PFKFB3: variants seen among roughly 807,000 people sequenced by gnomAD.
PFKFB3 encodes 6-phosphofructo-2-kinase/fructose-2,6-biphosphatase 3, also known as 6-phosphofructo-2-kinase/fructose-2,6-bisphosphatase 3.
A neutral mutation model predicts 68.0 loss-of-function variants in PFKFB3; 33 were observed. That is an observed-to-expected ratio of 0.49 (90% CI 0.37 to 0.65). PFKFB3 has a LOEUF of 0.65. Among genes scored for constraint, PFKFB3 ranks in the 30% least tolerant of loss-of-function variants. The pLI is 0.00. For synonymous variants in PFKFB3, 315 were observed against 288.2 expected (o/e 1.09, Z -0.94); for missense variants, 586 against 712.2 (o/e 0.82, Z 2.02).
chr10:6,164,962 C>T (rs1488943100), intron 1 of PFKFB3, among the ~76,000 whole-genome samples: 1 of 151,626 alleles, frequency 6.6e-6, no homozygotes, highest in Non-Finnish European at 1.5e-5. Flanking sequence ...CAGGGATGAG[C>T]AGGAGACAGA....
intron 1 of PFKFB3, among the ~76,000 whole-genome samples, chr10:6,207,159 A>C (rs1446495341): frequency 2.0e-5 from 3 of 152,230 alleles, no homozygotes; most frequent in Non-Finnish European, 4.4e-5. Flanking sequence ...TTGAGCACTG[A>C]GTGAACGAGA....
At chr10:6,169,659 A>G (rs12573756) in intron 1 of PFKFB3, among the ~76,000 whole-genome samples, 2 of 152,116 alleles carry the variant, frequency 1.3e-5, no homozygotes, top group African/African-American at 4.8e-5. Context: ...TCGGTGATGT[A>G]TCCTGGGCTC....
rs1242559312 is a variant in PFKFB3 at position 6,220,981 on chromosome 10, GCTGTGTGTGTTAT to G, written c.831+126_831+138del. On this transcript the variant is annotated intron_variant, in intron 8 of 14. Transcript: ENST00000379775. This position sits in a 1 kb window ranked among gnomAD's most constrained non-coding sequence, Gnocchi z 4.1. ...GCTGCTGCTGCTGCTTGGTGTGCTTGCTGTGTGTGTTATCTGTGTGTGCGCCTGCACGTCTCTA... is the reference window on the plus strand; with the variant it reads ...GCTGCTGCTGCTGCTTGGTGTGCTTGCTGTGTGTGCGCCTGCACGTCTCTA... 1.0e-6 allele frequency: 1 copy of G among 992,998 alleles called. No homozygotes were observed. Among genetic ancestry groups the G allele is most frequent in the African/African-American group, 1.6e-5 (1 of 63,096 alleles). 61.5% of individuals were successfully genotyped at this position (992,998 alleles called of 1,614,324 possible).
rs754495467 is a variant in PFKFB3 at position 6,203,244 on chromosome 10, C to T, written c.-17C>T. Reference sequence around the variant, plus strand: ...ATCTCGGCCCCGGGAGGCGGGCCGTCGGGCGCAGCCGCGAAGATGCCGTTG... The same window carrying T: ...ATCTCGGCCCCGGGAGGCGGGCCGTTGGGCGCAGCCGCGAAGATGCCGTTG... On this transcript the variant is annotated 5_prime_UTR_variant, in exon 1 of 15. Coordinates refer to ENST00000379775, the MANE Select transcript of PFKFB3 (RefSeq NM_004566.4). 8 of 1,605,064 alleles carry T rather than the reference C, an allele frequency of 5.0e-6. No homozygotes were observed. In the Admixed American group the frequency reaches 1.0e-4, roughly 20 times the overall value.
At chr10:6,207,109 C>G (rs996063998) in intron 1 of PFKFB3, among the ~76,000 whole-genome samples, 3 of 152,292 alleles carry the variant, frequency 2.0e-5, no homozygotes, top group Admixed American at 6.5e-5. Context: ...GAAGTTGTAG[C>G]GAGCCGAGAT....
chr10:6,255,851 C>T (rs991300835), downstream of PFKFB3, among the ~76,000 whole-genome samples: 4 of 152,168 alleles, frequency 2.6e-5, no homozygotes, highest in Admixed American at 6.5e-5. Flanking sequence ...GTGCGGGAGA[C>T]GTGTCACAGC....
At chr10:6,323,072 A>G in the PFKFB3 span, among the ~76,000 whole-genome samples, 1 of 152,248 alleles carries the variant, frequency 6.6e-6, no homozygotes, top group Admixed American at 6.5e-5. Flanking sequence ...TGGATCATTC[A>G]TCATGACCTC....
intron 1 of PFKFB3, among the ~76,000 whole-genome samples, chr10:6,176,271 G>T (rs1484228939): frequency 6.6e-6 from 1 of 152,136 alleles, no homozygotes; most frequent in Non-Finnish European, 1.5e-5. Flanking sequence ...CAAGACATGG[G>T]TTCCCTTGAG....
At position 6,203,229 on chromosome 10, in the gene PFKFB3, C is replaced by T; in HGVS notation, c.-32C>T. On this transcript the variant is annotated 5_prime_UTR_variant, in exon 1 of 15. Transcript: ENST00000379775. ...CCTGCCAGCGTCGGGATCTCGGCCCCGGGAGGCGGGCCGTCGGGCGCAGCC... is the reference window on the plus strand; with the variant it reads ...CCTGCCAGCGTCGGGATCTCGGCCCTGGGAGGCGGGCCGTCGGGCGCAGCC... 2 of 1,601,618 alleles carry T rather than the reference C, an allele frequency of 1.2e-6. No individual in the cohort carries two copies. Among genetic ancestry groups the T allele is most frequent in the South Asian group, 1.1e-5 (1 of 89,282 alleles).
intron 13 of PFKFB3, chr10:6,225,265 A>G (rs983857864): frequency 3.5e-5 from 16 of 452,504 alleles, no homozygotes; most frequent in Middle Eastern, 3.3e-4. Flanking sequence ...GTCTAGTCCC[A>G]GGAAGCTTGG....
the PFKFB3 span, among the ~76,000 whole-genome samples, chr10:6,282,365 G>C: frequency 6.6e-6 from 1 of 152,148 alleles, no homozygotes; most frequent in Admixed American, 6.5e-5. Context: ...ATACCCTTGG[G>C]CGGCTCAATG....
chr10:6,222,083 G>A (rs1457364499), intron 10 of PFKFB3, among the ~76,000 whole-genome samples: 10 of 152,090 alleles, frequency 6.6e-5, no homozygotes, highest in African/African-American at 9.7e-5. Context: ...CCCCGTGCAC[G>A]GTGCCCGGGT....
Position 6,221,391 on chromosome 10 carries a change from C to G in PFKFB3, c.842C>G (p.Ala281Gly). ...LSSRGKKFAS[A>G]LSKFVEEQNL... ...TCCACCACCTCTCAGTTTGCCAGTG[C>G]TCTGAGCAAGTTCGTGGAGGAGCAG... The change falls in exon 9 of 15, where the codon GCT becomes GGT. Residue 281 changes from alanine (A) to glycine (G), a missense_variant. Physicochemically the swap from Ala to Gly is moderately conservative, Grantham distance 60. Coordinates refer to ENST00000379775, the MANE Select transcript of PFKFB3 (RefSeq NM_004566.4). 6.2e-7 allele frequency: 1 copy of G among 1,613,898 alleles called. No homozygotes were observed. The highest frequency in any genetic ancestry group is 8.5e-7 in the Non-Finnish European group (1 of 1,179,988).
intron 1 of PFKFB3, among the ~76,000 whole-genome samples, chr10:6,195,643 G>A (rs571342177): frequency 6.6e-6 from 1 of 152,298 alleles, no homozygotes; most frequent in South Asian, 2.1e-4. Context: ...GATAAACGTG[G>A]TTCACTTCCA....
At chr10:6,150,599 G>A (rs1002341155) in intron 1 of PFKFB3, among the ~76,000 whole-genome samples, 29 of 151,976 alleles carry the variant, frequency 1.9e-4, no homozygotes, top group Non-Finnish European at 3.1e-4. Flanking sequence ...CACTCCAGCC[G>A]GGGCGACAGA....
At chr10:6,294,148 G>A in the PFKFB3 span, 1 of 505,324 alleles carries the variant, frequency 2.0e-6, no homozygotes, top group Non-Finnish European at 4.0e-6. Flanking sequence ...TTTAAACTCA[G>A]GCCTATGTGT....
intron 1 of PFKFB3, among the ~76,000 whole-genome samples, chr10:6,190,151 C>G (rs1204501447): frequency 6.7e-6 from 1 of 150,216 alleles, no homozygotes; most frequent in East Asian, 2.0e-4. Context: ...ACCATGTTGG[C>G]CAGGCTGGTC....
chr10:6,213,782 G>T, intron 2 of PFKFB3, 34 bp downstream of exon 2: 1 of 1,599,540 alleles, frequency 6.3e-7, no homozygotes, highest in Non-Finnish European at 8.5e-7. Context: ...ACCCCTGCTC[G>T]TGCAAAAACT....
chr10:6,227,695 A>G (rs1019212572), intron 14 of PFKFB3, among the ~76,000 whole-genome samples: 2 of 152,202 alleles, frequency 1.3e-5, no homozygotes, highest in South Asian at 2.1e-4. Context: ...GTAGCTCCAC[A>G]CTAACATGAG....
Sources: allele counts gnomAD v4.1 joint callset (sites outside exome capture counted in the v4.1 genomes callset), GRCh38; gene constraint gnomAD v4.1.1; non-coding constraint Gnocchi (gnomAD v3.1); transcripts MANE v1.5; gene names NCBI Gene and HGNC (gene_info 2026-07-23, HGNC 2026-07-21).